Variants in PDSS2 observed in about 807,000 individuals in gnomAD.
The protein encoded by PDSS2 is decaprenyl diphosphate synthase subunit 2.
A neutral mutation model predicts 44.5 loss-of-function variants in PDSS2; 31 were observed. That is an observed-to-expected ratio of 0.70 (90% confidence interval 0.52 to 0.94). PDSS2 has a LOEUF of 0.94. PDSS2 is among the 40% of genes least tolerant of loss of function. The pLI is 0.00. For synonymous variants in PDSS2, 157 were observed against 180.3 expected, an observed-to-expected ratio of 0.87 and a Z score of 1.03; for missense variants, 452 against 482.2, an observed-to-expected ratio of 0.94 and a Z score of 0.59.
At chr6:107,226,143 C>T (rs1582813623) in intron 4 of PDSS2, among the ~76,000 whole-genome samples, 1 of 152,070 alleles carries the variant, frequency 6.6e-6, no homozygotes, top group Non-Finnish European at 1.5e-5. Flanking sequence ...CCTGTCTCTA[C>T]TAAAAATACA....
At chr6:107,432,740 T>A (rs1373314687) in intron 1 of PDSS2, among the ~76,000 whole-genome samples, 5 of 151,694 alleles carry the variant, frequency 3.3e-5, no homozygotes, top group African/African-American at 1.2e-4. Context: ...CCTGGGCGAC[T>A]GAGGGAGACA....
intron 1 of PDSS2, among the ~76,000 whole-genome samples, chr6:107,412,299 G>A (rs1416545009): frequency 7.0e-6 from 1 of 142,230 alleles, no homozygotes; most frequent in Non-Finnish European, 1.5e-5. Flanking sequence ...CAGTGCAGTG[G>A]TGTGATCTTG....
chr6:107,377,510 A>G (rs1779321412), intron 1 of PDSS2, among the ~76,000 whole-genome samples: 1 of 152,178 alleles, frequency 6.6e-6, no homozygotes, highest in African/African-American at 2.4e-5. Flanking sequence ...TAGAAATACC[A>G]TTTGACCCAG....
intron 6 of PDSS2, among the ~76,000 whole-genome samples, chr6:107,203,447 G>A (rs1233595575): frequency 6.6e-6 from 1 of 151,790 alleles, no homozygotes; most frequent in East Asian, 1.9e-4. Context: ...CTTATCAATG[G>A]GTTTCCAAAA....
In PDSS2 at chr6:107,438,021, G is replaced by T. The variant is rs187730303; in HGVS notation, c.296+20969C>A. Among the ~76,000 whole-genome samples the T allele has an allele frequency of 5.8e-3, 890 of 152,236 alleles. 7 individuals carry two copies. The highest frequency in any genetic ancestry group is 9.0e-3 in the Non-Finnish European group (612 of 68,008). On this transcript the variant is annotated intron_variant, in intron 1 of 7. Coordinates refer to ENST00000369037, the MANE Select transcript of PDSS2 (RefSeq NM_020381.4). ...AAGCAATGAGAGGCACCCAGGGAAA[G>T]GTCGCATCCAGGTGGTAGTAGTTAA...
chr6:107,205,500 G>T (rs557746688), intron 6 of PDSS2, among the ~76,000 whole-genome samples: 34 of 152,256 alleles, frequency 2.2e-4, no homozygotes, highest in Middle Eastern at 3.4e-3. Flanking sequence ...ACTGAGTAAT[G>T]ACTTCACCTC....
intron 2 of PDSS2, among the ~76,000 whole-genome samples, chr6:107,280,921 T>G (rs1775942275): frequency 6.6e-6 from 1 of 152,076 alleles, no homozygotes; most frequent in African/African-American, 2.4e-5. Flanking sequence ...ACATTTGGAG[T>G]GGCAATGGTC....
At chr6:107,248,536 A>G (rs902010912) in intron 3 of PDSS2, among the ~76,000 whole-genome samples, 2 of 143,664 alleles carry the variant, frequency 1.4e-5, no homozygotes, top group African/African-American at 5.3e-5. Context: ...AAAAAAAAAA[A>G]AGCAGAATAC....
At chr6:107,257,423 A>G (rs1335255836) in intron 3 of PDSS2, among the ~76,000 whole-genome samples, 1 of 151,886 alleles carries the variant, frequency 6.6e-6, no homozygotes, top group Non-Finnish European at 1.5e-5. Flanking sequence ...CTGTAGTCCC[A>G]GCTACTCAGG....
At chr6:107,159,946 T>C (rs1771062219) in intron 7 of PDSS2, among the ~76,000 whole-genome samples, 1 of 152,124 alleles carries the variant, frequency 6.6e-6, no homozygotes, top group South Asian at 2.1e-4. Flanking sequence ...CTGGGTGCGG[T>C]GGCTCACTCC....
chr6:107,184,169 G>A (rs979248323), intron 7 of PDSS2, among the ~76,000 whole-genome samples: 1 of 152,110 alleles, frequency 6.6e-6, no homozygotes, highest in Non-Finnish European at 1.5e-5. Context: ...AGGGGTACAG[G>A]AAAGAGAAAA....
chr6:107,244,454 T>C (rs1354876174), intron 4 of PDSS2, among the ~76,000 whole-genome samples: 1 of 152,194 alleles, frequency 6.6e-6, no homozygotes, highest in Non-Finnish European at 1.5e-5. Flanking sequence ...CCTCCATCCA[T>C]AGTAGTGAAC....
At chr6:107,392,781 G>A (rs901693875) in intron 1 of PDSS2, among the ~76,000 whole-genome samples, 2 of 152,006 alleles carry the variant, frequency 1.3e-5, no homozygotes, top group Admixed American at 6.6e-5. Flanking sequence ...ATTTACTCTA[G>A]TGTCAGAAGT....
chr6:107,262,813 G>A (rs1226996429), intron 3 of PDSS2, among the ~76,000 whole-genome samples: 1 of 151,948 alleles, frequency 6.6e-6, no homozygotes, highest in Non-Finnish European at 1.5e-5. Context: ...TGGGCACAGT[G>A]GCTTACGCCT....
chr6:107,372,457 T>C (rs541263670), intron 1 of PDSS2, among the ~76,000 whole-genome samples: 2 of 152,276 alleles, frequency 1.3e-5, no homozygotes, highest in Admixed American at 6.5e-5. Context: ...AATTCTTTTT[T>C]ATTTTTTATT....
At chr6:107,400,170 G>C (rs1257170937) in intron 1 of PDSS2, among the ~76,000 whole-genome samples, 2 of 152,086 alleles carry the variant, frequency 1.3e-5, no homozygotes, top group Non-Finnish European at 2.9e-5. Flanking sequence ...AGGGAGCAGT[G>C]GAGAGACTGT....
intron 1 of PDSS2, among the ~76,000 whole-genome samples, chr6:107,438,969 T>TA (rs1050014699): frequency 3.3e-5 from 5 of 152,176 alleles, no homozygotes; most frequent in Admixed American, 6.5e-5. Context: ...GAAGGACTAT[T>TA]ATGGTAAGAG....
chr6:107,242,834 T>G (rs1171991641), intron 4 of PDSS2, among the ~76,000 whole-genome samples: 1 of 152,222 alleles, frequency 6.6e-6, no homozygotes, highest in Non-Finnish European at 1.5e-5. Flanking sequence ...ACCATTCTGT[T>G]TCCATTATTA....
intron 1 of PDSS2, among the ~76,000 whole-genome samples, chr6:107,450,491 T>C (rs17511623): frequency 0.023 from 3,542 of 152,194 alleles, 59 homozygotes; most frequent in Non-Finnish European, 0.036. Context: ...TAGGATTAAG[T>C]TAAGAAGGCC....
Sources: allele counts gnomAD v4.1 joint callset (sites outside exome capture counted in the v4.1 genomes callset), GRCh38; gene constraint gnomAD v4.1.1; transcripts MANE v1.5; gene names NCBI Gene and HGNC (gene_info 2026-07-23, HGNC 2026-07-21).